Variants in GFOD2 observed in about 807,000 individuals in gnomAD.
The protein encoded by GFOD2 is Gfo/Idh/MocA-like oxidoreductase domain containing 2, also known as glucose-fructose oxidoreductase domain-containing protein 2.
Under a neutral mutation model 24.6 loss-of-function variants are expected in GFOD2, and 9 were observed. The ratio of observed to expected loss-of-function variants is 0.37; its 90% CI spans 0.22 to 0.64. The LOEUF is 0.64. Ranked by LOEUF, GFOD2 falls within the 30% of genes least tolerant of loss-of-function variation. The probability of loss-of-function intolerance (pLI) is 0.65; values close to 1 mark genes in which losing one functional copy is unlikely to be tolerated. For synonymous variants in GFOD2, 211 were observed against 224.8 expected (o/e 0.94, Z 0.55); for missense variants, 476 against 532.5 (o/e 0.89, Z 1.04).
At chr16:67,691,896 A>G (rs1002118364) in intron 1 of GFOD2, among the ~76,000 whole-genome samples, 2 of 152,196 alleles carry the variant, frequency 1.3e-5, no homozygotes, top group Non-Finnish European at 1.5e-5. Context: ...AACATACTGG[A>G]GGTTCTATCC....
chr16:67,679,636 C>T (rs1402763729), intron 2 of GFOD2, among the ~76,000 whole-genome samples: 2 of 151,948 alleles, frequency 1.3e-5, no homozygotes, highest in African/African-American at 4.8e-5. Flanking sequence ...GGCCTGTAAT[C>T]CCAGCACTTT....
chr16:67,692,309 C>CAGT (rs1298756243), intron 1 of GFOD2, among the ~76,000 whole-genome samples: 11 of 141,032 alleles, frequency 7.8e-5, no homozygotes, highest in Non-Finnish European at 1.7e-4. Flanking sequence ...AGGCTGAGTG[C>CAGT]GGTGGCTCAC....
At chr16:67,683,078 A>T in intron 2 of GFOD2, 2 of 449,658 alleles carry the variant, frequency 4.4e-6, no homozygotes, top group Non-Finnish European at 5.9e-6. Context: ...CTTCTGCCTC[A>T]GCCTCCCAAG....
At chr16:67,716,148 T>A (rs1453738512) in intron 1 of GFOD2, among the ~76,000 whole-genome samples, 1 of 152,224 alleles carries the variant, frequency 6.6e-6, no homozygotes, top group Non-Finnish European at 1.5e-5. Context: ...ACTTCTAACA[T>A]CAGATGACAT....
intron 1 of GFOD2, among the ~76,000 whole-genome samples, chr16:67,696,757 G>GC (rs1462795727): frequency 6.6e-6 from 1 of 152,222 alleles, no homozygotes; most frequent in East Asian, 1.9e-4. Flanking sequence ...ATAGGCGTGA[G>GC]CCACTGCGCC....
At chr16:67,687,034 G>A (rs1323639009) in intron 1 of GFOD2, among the ~76,000 whole-genome samples, 1 of 151,470 alleles carries the variant, frequency 6.6e-6, no homozygotes, top group African/African-American at 2.4e-5. Flanking sequence ...TGTATTCTCA[G>A]CTACTCGAGG....
chr16:67,695,230 C>T (rs2053349987), intron 1 of GFOD2, among the ~76,000 whole-genome samples: 1 of 152,066 alleles, frequency 6.6e-6, no homozygotes, highest in African/African-American at 2.4e-5. Context: ...CTCCTGACCT[C>T]AGGTGATCCA....
chr16:67,706,384 T>C (rs1343603971), intron 1 of GFOD2, among the ~76,000 whole-genome samples: 1 of 152,248 alleles, frequency 6.6e-6, no homozygotes, highest in Non-Finnish European at 1.5e-5. Context: ...CTTGTAATAC[T>C]ATCTTTACCC....
chr16:67,700,101 C>T (rs1010488802), intron 1 of GFOD2, among the ~76,000 whole-genome samples: 2 of 151,268 alleles, frequency 1.3e-5, no homozygotes, highest in Admixed American at 6.6e-5. Flanking sequence ...AGGCCAGGCG[C>T]GGTGGCTCAC....
chr16:67,679,912 C>CAACAAA (rs1555544949), intron 2 of GFOD2, among the ~76,000 whole-genome samples: 1 of 149,782 alleles, frequency 6.7e-6, no homozygotes, highest in African/African-American at 2.5e-5. Flanking sequence ...ACAACAACAA[C>CAACAAA]AAAAAAAAAC....
At chr16:67,679,177 A>G (rs2053205184) in intron 2 of GFOD2, among the ~76,000 whole-genome samples, 1 of 152,104 alleles carries the variant, frequency 6.6e-6, no homozygotes, top group Admixed American at 6.6e-5. Context: ...AAATAAATAA[A>G]TAAATAAAAG....
intron 1 of GFOD2, among the ~76,000 whole-genome samples, chr16:67,701,036 CA>C (rs1196263484): frequency 0.025 from 1,695 of 68,442 alleles, 26 homozygotes; most frequent in African/African-American, 0.066. Context: ...GACTCTGTCT[CA>C]AAAAAAAAAA....
At chr16:67,681,423 T>A (rs745964183) in intron 2 of GFOD2, 1 of 984,686 alleles carries the variant, frequency 1.0e-6, no homozygotes, top group Non-Finnish European at 1.2e-6. Context: ...TGAAAAATAG[T>A]CTGTTTTTGT....
Position 67,685,626 on chromosome 16 carries a change from A to C in GFOD2, c.90T>G (p.Val30=), listed in dbSNP as rs2053260758. 1 of 1,614,042 alleles carries C rather than the reference A, an allele frequency of 6.2e-7. No homozygotes were observed. The highest frequency in any genetic ancestry group is 1.3e-5 in the African/African-American group (1 of 74,930). ...VPLLRAEGFT[V]EALWGKTEEE... is the part of the protein sequence containing the mutation. ...CCTCAGTCTTCCCCCACAGGGCCTC[A>C]ACAGTGAACCCTTCTGCCCTCAGCA... The change falls in exon 2 of 3, where the codon GTT becomes GTG. Residue 30 remains valine, a synonymous_variant. Transcript: ENST00000268797.
At chr16:67,701,477 T>C (rs1020122057) in intron 1 of GFOD2, among the ~76,000 whole-genome samples, 2 of 152,202 alleles carry the variant, frequency 1.3e-5, no homozygotes, top group African/African-American at 4.8e-5. Flanking sequence ...AAATGCATTC[T>C]GCTAACTGAA....
chr16:67,675,452 C>T lies in GFOD2; in HGVS notation c.861G>A (p.Val287=). The change falls in exon 3 of 3, where the codon GTG becomes GTA. Residue 287 remains valine (V), a synonymous_variant. Transcript: ENST00000268797. ...EELLLRDSLA[V]GAGLPEQGPQ... is the part of the protein sequence containing the mutation. ...GCCCCTGCTCAGGCAGTCCTGCGCCCACTGCCAGCGAGTCCCTCAAGAGCA... is the reference window on the plus strand; with the variant it reads ...GCCCCTGCTCAGGCAGTCCTGCGCCTACTGCCAGCGAGTCCCTCAAGAGCA... The T allele has an allele frequency of 6.2e-7, 1 of 1,612,374 alleles. No individual in the cohort carries two copies. Among genetic ancestry groups the T allele is most frequent in the Non-Finnish European group, 8.5e-7 (1 of 1,180,030 alleles).
At position 67,691,517 on chromosome 16, in the gene GFOD2, C is replaced by CA. The variant is rs571514888; in HGVS notation, c.-87-5716dup. On this transcript the variant is annotated intron_variant, in intron 1 of 2. Coordinates refer to ENST00000268797, the MANE Select transcript of GFOD2 (RefSeq NM_030819.4). ...GTCACACTGTGCCTAGACCCCCCCC[C>CA]AAAAAAAAAAAAATTAAGACTCTGC... Among the ~76,000 whole-genome samples, 203 of 139,770 alleles carry CA rather than the reference C, an allele frequency of 1.5e-3. 1 individual carries two copies. Among genetic ancestry groups the CA allele is most frequent in the Middle Eastern group, 3.6e-3 (1 of 276 alleles). 91.7% of individuals were successfully genotyped at this position (139,770 alleles called of 152,430 possible). A position where few individuals can be genotyped will look rare whatever the true frequency, so the allele number is the denominator to read the frequency against.
At chr16:67,683,775 T>A in intron 2 of GFOD2, 1 of 1,226,826 alleles carries the variant, frequency 8.2e-7, no homozygotes, top group Non-Finnish European at 1.0e-6. Context: ...TTTGCCACCA[T>A]GGCAGTGGTC....
At chr16:67,707,803 A>G (rs2142997213) in intron 1 of GFOD2, among the ~76,000 whole-genome samples, 1 of 152,276 alleles carries the variant, frequency 6.6e-6, no homozygotes, top group East Asian at 1.9e-4. Flanking sequence ...CCCCTGCCTC[A>G]GTCTTCTAAA....
Sources: allele counts gnomAD v4.1 joint callset (sites outside exome capture counted in the v4.1 genomes callset), GRCh38; gene constraint gnomAD v4.1.1; transcripts MANE v1.5; gene names NCBI Gene and HGNC (gene_info 2026-07-23, HGNC 2026-07-21).